The following KHDRBS2 variants were observed in gnomAD, a reference collection of about 807,000 sequenced individuals.
The protein encoded by KHDRBS2 is KH RNA binding domain containing, signal transduction associated 2.
In KHDRBS2, 26 loss-of-function variants were observed where a neutral mutation model predicts 44.3. The ratio of observed to expected loss-of-function variants is 0.59; its 90% CI spans 0.43 to 0.81. The LOEUF (loss-of-function observed/expected upper bound fraction) is 0.81, where lower values mean the gene tolerates loss of function less well. Among genes scored for constraint, KHDRBS2 ranks in the 40% least tolerant of loss-of-function variants. The pLI is 0.00. For synonymous variants in KHDRBS2, 194 were observed against 151.1 expected (o/e 1.28, Z -2.08); for missense variants, 476 against 433.1 (o/e 1.10, Z -0.88).
chr6:61,619,125 T>C, the KHDRBS2 span, among the ~76,000 whole-genome samples: 1 of 152,172 alleles, frequency 6.6e-6, no homozygotes, highest in African/African-American at 2.4e-5. Context: ...ATTAAAAATT[T>C]TTTTTCAATA....
chr6:62,267,052 C>A (rs1339239175), intron 1 of KHDRBS2, among the ~76,000 whole-genome samples: 2 of 151,954 alleles, frequency 1.3e-5, no homozygotes, highest in African/African-American at 4.8e-5. Flanking sequence ...TGGGAGAACC[C>A]AAACTGAAAC....
At chr6:62,200,389 G>GA (rs1283427984) in intron 1 of KHDRBS2, among the ~76,000 whole-genome samples, 2 of 151,908 alleles carry the variant, frequency 1.3e-5, no homozygotes, top group Non-Finnish European at 2.9e-5. Flanking sequence ...AAATTTACAA[G>GA]AAAAAAACAA....
intron 1 of KHDRBS2, among the ~76,000 whole-genome samples, chr6:62,178,907 A>C (rs1821694104): frequency 1.3e-5 from 2 of 151,594 alleles, no homozygotes; most frequent in Admixed American, 1.3e-4. Flanking sequence ...ATAGTTATTA[A>C]GTATGAACAT....
chr6:61,983,236 CTTTTTTTTTTTT>C (rs1173961055), intron 3 of KHDRBS2, among the ~76,000 whole-genome samples: 4 of 118,506 alleles, frequency 3.4e-5, no homozygotes, highest in African/African-American at 1.2e-4. Flanking sequence ...TTCTTTCTTT[CTTTTTTTTTTTT>C]TTTTTTTTTA....
intron 1 of KHDRBS2, among the ~76,000 whole-genome samples, chr6:62,191,535 T>C (rs1824610912): frequency 6.6e-6 from 1 of 152,122 alleles, no homozygotes; most frequent in Non-Finnish European, 1.5e-5. Flanking sequence ...AGACTATGAC[T>C]TCCTTGAAGC....
At chr6:61,678,549 T>C (rs1766073725), downstream of KHDRBS2, among the ~76,000 whole-genome samples, 1 of 151,968 alleles carries the variant, frequency 6.6e-6, no homozygotes, top group Non-Finnish European at 1.5e-5. Flanking sequence ...TTCCTTCTCC[T>C]ATAACCAAGT....
intron 2 of KHDRBS2, among the ~76,000 whole-genome samples, chr6:62,131,401 A>G (rs1810283150): frequency 6.6e-6 from 1 of 152,230 alleles, no homozygotes; most frequent in Non-Finnish European, 1.5e-5. Flanking sequence ...CAGAAGGGCT[A>G]CTTATGAAGA....
At chr6:61,558,160 C>T in the KHDRBS2 span, among the ~76,000 whole-genome samples, 1 of 151,378 alleles carries the variant, frequency 6.6e-6, no homozygotes, top group Non-Finnish European at 1.5e-5. Context: ...TTATTTTCTT[C>T]TTCTGTTTTT....
At chr6:61,740,774 T>C (rs1776023889) in intron 6 of KHDRBS2, among the ~76,000 whole-genome samples, 1 of 151,932 alleles carries the variant, frequency 6.6e-6, no homozygotes. Context: ...TTAAGTGTTT[T>C]CTTGTCAGGT....
chr6:61,643,729 C>T, the KHDRBS2 span, among the ~76,000 whole-genome samples: 1 of 152,004 alleles, frequency 6.6e-6, no homozygotes, highest in African/African-American at 2.4e-5. Context: ...AATAAAATAC[C>T]TAGGAATACA....
At chr6:62,070,620 G>A (rs1025001000) in intron 2 of KHDRBS2, among the ~76,000 whole-genome samples, 2 of 152,046 alleles carry the variant, frequency 1.3e-5, no homozygotes, top group African/African-American at 4.8e-5. Flanking sequence ...ACAGTTTGCT[G>A]AGAATGATGG....
At chr6:61,756,812 A>G (rs531446314) in intron 6 of KHDRBS2, among the ~76,000 whole-genome samples, 6 of 152,360 alleles carry the variant, frequency 3.9e-5, no homozygotes, top group African/African-American at 1.4e-4. Flanking sequence ...GATGATGAAC[A>G]TATTAAGCAT....
At chr6:61,805,108 CTG>C (rs1422442631) in intron 6 of KHDRBS2, among the ~76,000 whole-genome samples, 4 of 152,128 alleles carry the variant, frequency 2.6e-5, no homozygotes, top group Non-Finnish European at 4.4e-5. Context: ...ATACATAAAA[CTG>C]AATGCTTTTA....
chr6:62,060,599 CTCTCTCTCTG>C (rs1223388548), intron 2 of KHDRBS2, among the ~76,000 whole-genome samples: 1 of 149,922 alleles, frequency 6.7e-6, no homozygotes, highest in Non-Finnish European at 1.5e-5. Context: ...AGGTCTCTCT[CTCTCTCTCTG>C]TCTCTCTCTC....
chr6:61,852,921 T>A (rs1005005443), intron 6 of KHDRBS2, among the ~76,000 whole-genome samples: 2 of 152,148 alleles, frequency 1.3e-5, no homozygotes, highest in Admixed American at 1.3e-4. Context: ...ATATTAAAGA[T>A]CTTAACTCTA....
chr6:61,966,777 C>T (rs998862378), intron 4 of KHDRBS2, among the ~76,000 whole-genome samples: 1 of 151,892 alleles, frequency 6.6e-6, no homozygotes, highest in African/African-American at 2.4e-5. Flanking sequence ...CCACTAGGAT[C>T]AGGTTAGCTT....
chr6:61,702,551 C>T (rs557040414), intron 7 of KHDRBS2, among the ~76,000 whole-genome samples: 12 of 151,970 alleles, frequency 7.9e-5, no homozygotes, highest in African/African-American at 2.7e-4. Context: ...TAACATTTGT[C>T]GAATGAATGA....
chr6:61,901,922 T>C (rs1421495988), intron 4 of KHDRBS2, among the ~76,000 whole-genome samples: 1 of 152,148 alleles, frequency 6.6e-6, no homozygotes, highest in Non-Finnish European at 1.5e-5. Flanking sequence ...CTAAACAGTT[T>C]GATGTGAAAT....
chr6:61,893,903 A>T (rs1583375547), intron 6 of KHDRBS2, among the ~76,000 whole-genome samples: 3 of 139,724 alleles, frequency 2.1e-5, no homozygotes, highest in African/African-American at 8.7e-5. Context: ...TATAATAATA[A>T]AAAAAAAAAC....
Sources: gnomAD v4.1 joint callset for allele counts (sites outside exome capture counted in the v4.1 genomes callset) on GRCh38, gnomAD v4.1.1 for gene constraint, MANE v1.5 for transcripts, NCBI Gene and HGNC (gene_info 2026-07-23, HGNC 2026-07-21) for gene names.